The following CCNY variants were observed in gnomAD, a reference collection of about 807,000 sequenced individuals.
The protein encoded by CCNY is cyclin Y, also known as cyclin-Y.
CCNY carries 19 observed loss-of-function variants against 42.8 expected under a neutral mutation model. The observed-to-expected ratio is 0.44, with a 90% CI of 0.31 to 0.65. CCNY has a LOEUF of 0.65. CCNY is among the 30% of genes least tolerant of loss of function. CCNY has a pLI of 0.07. For missense variants in CCNY, 370 were observed against 437.3 expected (o/e 0.85, Z 1.37); for synonymous variants, 165 against 162.7 (o/e 1.01, Z -0.11).
intron 1 of CCNY, among the ~76,000 whole-genome samples, chr10:35,463,594 T>C (rs1394197813): frequency 6.6e-6 from 1 of 152,214 alleles, no homozygotes; most frequent in Non-Finnish European, 1.5e-5. Context: ...TACAATTTGA[T>C]AACAAATGAC....
chr10:35,371,927 T>A (rs1836946102), intron 1 of CCNY, among the ~76,000 whole-genome samples: 1 of 152,204 alleles, frequency 6.6e-6, no homozygotes, highest in African/African-American at 2.4e-5. Context: ...GAGTGATTGA[T>A]GGCAGTTTGG....
intron 1 of CCNY, among the ~76,000 whole-genome samples, chr10:35,359,491 T>TTTATTA (rs138796816): frequency 2.0e-5 from 3 of 149,188 alleles, no homozygotes; most frequent in African/African-American, 5.0e-5. Flanking sequence ...TAACTCTTTA[T>TTTATTA]TTATTATTAT....
intron 1 of CCNY, among the ~76,000 whole-genome samples, chr10:35,404,471 T>A (rs1166576461): frequency 6.6e-6 from 1 of 152,066 alleles, no homozygotes; most frequent in Non-Finnish European, 1.5e-5. Context: ...TTTGGTTTTG[T>A]GAGTTTATAT....
At chr10:35,276,575 A>G (rs923035910) in intron 3 of CCNY, among the ~76,000 whole-genome samples, 2 of 152,100 alleles carry the variant, frequency 1.3e-5, no homozygotes, top group African/African-American at 4.8e-5. Context: ...TTATAGAGAC[A>G]GGGTCTCACT....
intron 1 of CCNY, among the ~76,000 whole-genome samples, chr10:35,409,592 A>G (rs1837859314): frequency 6.6e-6 from 1 of 152,226 alleles, no homozygotes; most frequent in African/African-American, 2.4e-5. Context: ...GAAAAATGCA[A>G]TTCTAAAATT....
intron 1 of CCNY, among the ~76,000 whole-genome samples, chr10:35,469,502 G>A (rs551862369): frequency 1.3e-5 from 2 of 152,136 alleles, no homozygotes; most frequent in African/African-American, 4.8e-5. Flanking sequence ...AAGAGAAGGA[G>A]GAGAAGAGAG....
intron 1 of CCNY, among the ~76,000 whole-genome samples, chr10:35,377,501 C>CT (rs1837079399): frequency 6.6e-6 from 1 of 152,154 alleles, no homozygotes; most frequent in African/African-American, 2.4e-5. Flanking sequence ...TAGGCTATGA[C>CT]TATCTAGGTT....
intron 3 of CCNY, among the ~76,000 whole-genome samples, chr10:35,507,405 TTC>T (rs1386709446): frequency 1.3e-5 from 2 of 152,216 alleles, no homozygotes; most frequent in African/African-American, 4.8e-5. Flanking sequence ...TAAACCAATA[TTC>T]TCTCACATTC....
intron 3 of CCNY, among the ~76,000 whole-genome samples, chr10:35,266,732 A>G (rs958782060): frequency 6.6e-6 from 1 of 152,236 alleles, no homozygotes; most frequent in South Asian, 2.1e-4. Flanking sequence ...ATAGATTTAG[A>G]AAGTGTTGAC....
rs1007212110 is a variant in CCNY at position 35,548,277 on chromosome 10, A to T, written c.580-4742A>T. On this transcript the variant is annotated intron_variant, in intron 7 of 9. Coordinates refer to ENST00000374704, the MANE Select transcript of CCNY (RefSeq NM_145012.6). Reference sequence around the variant, plus strand: ...ACAAATATATATATACATAAATATAAATATATATATTTATGTATATATATA... The same window carrying T: ...ACAAATATATATATACATAAATATATATATATATATTTATGTATATATATA... 1.1e-3 allele frequency among the ~76,000 whole-genome samples: 156 copies of T among 146,970 alleles called. 1 individual carries two copies. The highest frequency in any genetic ancestry group is 3.7e-3 in the African/African-American group (148 of 40,298).
chr10:35,412,860 C>CAAAAAAAAAAA (rs10558250), intron 1 of CCNY, among the ~76,000 whole-genome samples: 12 of 34,750 alleles, frequency 3.5e-4, no homozygotes, highest in African/African-American at 7.1e-4. Context: ...GACTCTGTCT[C>CAAAAAAAAAAA]AAAAAAAAAA....
intron 3 of CCNY, among the ~76,000 whole-genome samples, chr10:35,279,708 CCTGAGT>C (rs1459977406): frequency 1.3e-5 from 2 of 152,316 alleles, no homozygotes; most frequent in Non-Finnish European, 2.9e-5. Flanking sequence ...GCCCATGGGA[CCTGAGT>C]CCTTGACCAC....
intron 3 of CCNY, among the ~76,000 whole-genome samples, chr10:35,277,354 A>G (rs1329501353): frequency 1.3e-5 from 2 of 152,192 alleles, no homozygotes; most frequent in East Asian, 3.8e-4. Context: ...TCTTAATTGT[A>G]TCCATCCAGT....
chr10:35,524,739 C>T (rs889432789), intron 4 of CCNY, among the ~76,000 whole-genome samples: 4 of 152,176 alleles, frequency 2.6e-5, no homozygotes, highest in Admixed American at 6.5e-5. Flanking sequence ...ACCCTGCCAA[C>T]CTGATAGGAG....
intron 3 of CCNY, among the ~76,000 whole-genome samples, chr10:35,269,449 C>CA (rs550391998): frequency 6.6e-6 from 1 of 150,692 alleles, no homozygotes; most frequent in South Asian, 2.1e-4. Context: ...TCCTAGTAGC[C>CA]GGGGTTACTA....
intron 1 of CCNY, among the ~76,000 whole-genome samples, chr10:35,377,291 A>G (rs930547402): frequency 1.3e-5 from 2 of 152,218 alleles, no homozygotes; most frequent in Non-Finnish European, 2.9e-5. Context: ...CAGTCCTGCA[A>G]GCTCCATGCA....
At chr10:35,352,264 A>G (rs1564378413) in intron 1 of CCNY, among the ~76,000 whole-genome samples, 1 of 152,232 alleles carries the variant, frequency 6.6e-6, no homozygotes, top group Non-Finnish European at 1.5e-5. Flanking sequence ...GGAACTAAAC[A>G]AGCTGAGAAG....
chr10:35,307,276 A>G (rs1157190531), intron 3 of CCNY, among the ~76,000 whole-genome samples: 4 of 152,200 alleles, frequency 2.6e-5, no homozygotes, highest in Non-Finnish European at 4.4e-5. Flanking sequence ...CCTTGTCCTC[A>G]AGGAACTTGA....
At chr10:35,398,809 T>G (rs1172492000) in intron 1 of CCNY, among the ~76,000 whole-genome samples, 3 of 152,228 alleles carry the variant, frequency 2.0e-5, no homozygotes, top group African/African-American at 7.2e-5. Context: ...ATATGCTCAA[T>G]TTTTATTTAG....
Sources: allele counts gnomAD v4.1 joint callset (sites outside exome capture counted in the v4.1 genomes callset), GRCh38; gene constraint gnomAD v4.1.1; transcripts MANE v1.5; gene names NCBI Gene and HGNC (gene_info 2026-07-23, HGNC 2026-07-21).